Variants in CLNK observed in about 807,000 individuals in gnomAD.
The protein encoded by CLNK is cytokine dependent hematopoietic cell linker.
CLNK carries 74 observed loss-of-function variants against 68.6 expected under a neutral mutation model. The ratio of observed to expected loss-of-function variants is 1.08; its 90% CI spans 0.89 to 1.31. CLNK has a LOEUF of 1.31. Among genes scored for constraint, CLNK ranks in the 50% most tolerant of loss-of-function variants. The pLI is 0.00. For missense variants in CLNK, 553 were observed against 515.3 expected (o/e 1.07, Z -0.71); for synonymous variants, 198 against 172.2 (o/e 1.15, Z -1.17).
At chr4:10,523,709 T>G (rs924011615) in intron 14 of CLNK, among the ~76,000 whole-genome samples, 2 of 152,210 alleles carry the variant, frequency 1.3e-5, no homozygotes, top group African/African-American at 4.8e-5. Flanking sequence ...AATGTGTACA[T>G]TTTTTACTTT....
At chr4:10,566,308 G>C (rs944618071) in intron 5 of CLNK, among the ~76,000 whole-genome samples, 158 bp from the exon 6 acceptor site, 1 of 152,172 alleles carries the variant, frequency 6.6e-6, no homozygotes, top group Admixed American at 6.5e-5. Flanking sequence ...TTTAATTCTT[G>C]TGCTAGTGAG....
intron 15 of CLNK, among the ~76,000 whole-genome samples, chr4:10,518,230 A>G (rs1189067657): frequency 6.6e-6 from 1 of 152,146 alleles, no homozygotes; most frequent in Non-Finnish European, 1.5e-5. Flanking sequence ...AATTACTAAT[A>G]TTTAAAATTC....
chr4:10,551,145 G>A (rs1719434545), intron 8 of CLNK, among the ~76,000 whole-genome samples: 1 of 152,136 alleles, frequency 6.6e-6, no homozygotes, highest in South Asian at 2.1e-4. Flanking sequence ...GTTGAGCATG[G>A]GTAACTGAAA....
intron 2 of CLNK, among the ~76,000 whole-genome samples, chr4:10,627,887 A>C (rs1722738435): frequency 6.6e-6 from 1 of 152,134 alleles, no homozygotes; most frequent in Non-Finnish European, 1.5e-5. Context: ...AATCAGGCTT[A>C]GGTCAGGCCT....
At chr4:10,724,363 C>T in the CLNK span, among the ~76,000 whole-genome samples, 4 of 152,144 alleles carry the variant, frequency 2.6e-5, no homozygotes, top group Admixed American at 1.3e-4. Context: ...TTCTACAACC[C>T]GTCTTCCCTA....
chr4:10,627,284 C>T (rs919802894), intron 2 of CLNK, among the ~76,000 whole-genome samples: 2 of 152,098 alleles, frequency 1.3e-5, no homozygotes, highest in Non-Finnish European at 2.9e-5. Flanking sequence ...GAACAGGAAG[C>T]ACATCCCACA....
At chr4:10,659,184 A>T (rs887671838) in intron 2 of CLNK, among the ~76,000 whole-genome samples, 1 of 152,196 alleles carries the variant, frequency 6.6e-6, no homozygotes, top group Non-Finnish European at 1.5e-5. Context: ...CTGGGAAACA[A>T]GAGCGAAACT....
chr4:10,554,351 G>A (rs1719578557), intron 8 of CLNK, among the ~76,000 whole-genome samples: 1 of 152,222 alleles, frequency 6.6e-6, no homozygotes, highest in Non-Finnish European at 1.5e-5. Context: ...ATTCTATGGG[G>A]AACTGAAACT....
intron 2 of CLNK, among the ~76,000 whole-genome samples, chr4:10,646,177 C>T (rs1041440674): frequency 1.3e-5 from 2 of 152,046 alleles, no homozygotes; most frequent in South Asian, 2.1e-4. Flanking sequence ...GACCATTATG[C>T]CTTGTATACC....
intron 2 of CLNK, among the ~76,000 whole-genome samples, chr4:10,649,881 T>TAA (rs539591777): frequency 1.2e-3 from 165 of 141,876 alleles, no homozygotes; most frequent in Non-Finnish European, 2.2e-3. Context: ...GCAGACAAAA[T>TAA]AAAAAAAAAA....
At chr4:10,605,509 A>C (rs571759497) in intron 2 of CLNK, among the ~76,000 whole-genome samples, 71 of 152,238 alleles carry the variant, frequency 4.7e-4, no homozygotes, top group African/African-American at 1.7e-3. Context: ...AGGTACAGTA[A>C]AAATAAGTTA....
intron 17 of CLNK, among the ~76,000 whole-genome samples, chr4:10,504,957 A>G (rs1255255932): frequency 2.6e-5 from 4 of 152,216 alleles, no homozygotes; most frequent in Admixed American, 6.5e-5. Context: ...AAAGAGAGGA[A>G]GGGAATATTT....
At chr4:10,550,776 TCTTTC>T (rs1719416603) in intron 8 of CLNK, among the ~76,000 whole-genome samples, 1 of 152,210 alleles carries the variant, frequency 6.6e-6, no homozygotes, top group African/African-American at 2.4e-5. Flanking sequence ...CAATATTTTT[TCTTTC>T]CTTTTCAAGT....
intron 3 of CLNK, among the ~76,000 whole-genome samples, chr4:10,595,251 C>T (rs1003498912): frequency 3.9e-5 from 6 of 152,252 alleles, no homozygotes; most frequent in Middle Eastern, 3.4e-3. Flanking sequence ...AATGGGAATA[C>T]GAATGCCTAC....
chr4:10,532,210 C>T (rs772240676), intron 12 of CLNK, 46 bp downstream of exon 12: 1 of 1,478,734 alleles, frequency 6.8e-7, no homozygotes, highest in South Asian at 1.2e-5. Context: ...ACATTTAATG[C>T]CTCAAAATTC....
At chr4:10,518,190 C>T (rs1170403476) in intron 15 of CLNK, among the ~76,000 whole-genome samples, 2 of 152,016 alleles carry the variant, frequency 1.3e-5, no homozygotes, top group Non-Finnish European at 2.9e-5. Context: ...ATAGAAAAGG[C>T]ATGGGTTGAA....
the CLNK span, among the ~76,000 whole-genome samples, chr4:10,733,233 C>A: frequency 1.3e-5 from 2 of 152,232 alleles, no homozygotes; most frequent in Non-Finnish European, 2.9e-5. Context: ...CTACAGCCCC[C>A]ACGTCTGCCC....
chr4:10,631,920 T>C (rs1418260874), intron 2 of CLNK, among the ~76,000 whole-genome samples: 4 of 152,310 alleles, frequency 2.6e-5, no homozygotes, highest in Admixed American at 2.0e-4. Context: ...TTGAGGTCTG[T>C]CTTTTTATTT....
intron 2 of CLNK, among the ~76,000 whole-genome samples, chr4:10,666,905 G>A (rs746502501): frequency 6.6e-5 from 10 of 152,142 alleles, no homozygotes; most frequent in Non-Finnish European, 1.5e-4. Context: ...GGCTGTCACA[G>A]CACCTGCTAC....
Sources: allele counts gnomAD v4.1 joint callset (sites outside exome capture counted in the v4.1 genomes callset), GRCh38; gene constraint gnomAD v4.1.1; transcripts MANE v1.5; gene names NCBI Gene and HGNC (gene_info 2026-07-23, HGNC 2026-07-21).